TRPM4: variants seen among roughly 807,000 people sequenced by gnomAD.
The protein encoded by TRPM4 is calcium-activated non-selective cation channel 1.
A neutral mutation model predicts 135.6 loss-of-function variants in TRPM4; 124 were observed. That is an observed-to-expected ratio of 0.91 (90% CI 0.79 to 1.06). The LOEUF (loss-of-function observed/expected upper bound fraction) is 1.06. Ranked by LOEUF, TRPM4 falls within the 50% of genes least tolerant of loss-of-function variation. The pLI is 0.00. For missense variants in TRPM4, 1,658 were observed against 1,671.4 expected (o/e 0.99, Z 0.14); for synonymous variants, 745 against 705.6 (o/e 1.06, Z -0.88).
At chr19:49,161,941 T>C (rs1158887401) in intron 2 of TRPM4, among the ~76,000 whole-genome samples, 2 of 152,184 alleles carry the variant, frequency 1.3e-5, no homozygotes, top group Non-Finnish European at 2.9e-5. Context: ...TGGCTACTTC[T>C]TTCTGTTGAG....
chr19:49,202,946 G>A (rs1301837150), intron 20 of TRPM4, among the ~76,000 whole-genome samples: 1 of 136,146 alleles, frequency 7.3e-6, no homozygotes, highest in South Asian at 2.4e-4. Flanking sequence ...GCAGTGGCAC[G>A]ATCTCACAAT....
intron 3 of TRPM4, among the ~76,000 whole-genome samples, chr19:49,167,469 ATCTCTCTGGGTCTCTGTCCC>A (rs1967253738): frequency 1.0e-4 from 4 of 39,266 alleles, no homozygotes; most frequent in African/African-American, 4.5e-4. Flanking sequence ...CTCTGTCGCC[ATCTCTCTGGGTCTCTGTCCC>A]TCTCTCTCTG....
chr19:49,182,390 A>G, intron 10 of TRPM4, 188 bp from the exon 11 acceptor site: 1 of 634,816 alleles, frequency 1.6e-6, no homozygotes, highest in East Asian at 2.8e-5. Flanking sequence ...CCATCCATCC[A>G]TCTGCCCATC....
rs998568522 is a variant in TRPM4 at position 49,161,722 on chromosome 19, T to A, written c.92+3463T>A. ...TCGGCTCACTTCAACCTCTGCCTCCTGGGTTCAAGCGATTCTCCTGCCTCA... is the reference window on the plus strand; with the variant it reads ...TCGGCTCACTTCAACCTCTGCCTCCAGGGTTCAAGCGATTCTCCTGCCTCA... On this transcript the variant is annotated intron_variant, in intron 2 of 24. Coordinates refer to ENST00000252826, the MANE Select transcript of TRPM4 (RefSeq NM_017636.4). Among the ~76,000 whole-genome samples, 14 of 151,614 alleles carry A rather than the reference T, an allele frequency of 9.2e-5. 1 individual carries two copies. The East Asian group carries it at 2.7e-3, about 29-fold the overall frequency.
rs1468804565 is a variant in TRPM4 at position 49,200,738 on chromosome 19, G to A, written c.2906G>A (p.Arg969His). 7 of 1,613,990 alleles carry A rather than the reference G, an allele frequency of 4.3e-6. No individual in the cohort carries two copies. Among genetic ancestry groups the A allele is most frequent in the Non-Finnish European group, 8.5e-7 (1 of 1,180,032 alleles). The stretch of plus-strand genomic sequence containing the variant: ...AGTATCCTGCGCCGCGTCTTCTACC[G>A]TCCCTACCTGCAGATCTTCGGGCAG... ...FPSILRRVFY[R>H]PYLQIFGQIP... Residue 969 changes from arginine to histidine, a missense_variant, in exon 19 of 25, where the codon CGT becomes CAT. Physicochemically the swap from Arg to His is conservative, Grantham distance 29 (BLOSUM62 0). This residue lies in a region of TRPM4 where 1,412 missense variants were observed against 1,408.7 expected (regional missense o/e 1.00). Transcript: ENST00000252826.
intron 20 of TRPM4, among the ~76,000 whole-genome samples, chr19:49,208,787 A>G (rs1014650591): frequency 6.6e-6 from 1 of 151,962 alleles, no homozygotes; most frequent in African/African-American, 2.4e-5. Context: ...GTGAAACCCC[A>G]TCTTTACTAA....
In TRPM4 at chr19:49,161,590, CAA is replaced by C. The variant is rs367821930; in HGVS notation, c.92+3333_92+3334del. On this transcript the variant is annotated intron_variant, in intron 2 of 24. Coordinates refer to ENST00000252826, the MANE Select transcript of TRPM4 (RefSeq NM_017636.4). The stretch of plus-strand genomic sequence containing the variant: ...GAGCCTCCCACCTCACTCTGCCTGC[CAA>C]AGTGCTGGAATTACAGGCGAGAGCC... Among the ~76,000 whole-genome samples, 179 of 150,688 alleles carry C rather than the reference CAA, an allele frequency of 1.2e-3. 1 individual carries two copies. Among genetic ancestry groups the C allele is most frequent in the African/African-American group, 4.1e-3 (168 of 41,090 alleles).
At chr19:49,201,373 G>A (rs1411200840) in intron 19 of TRPM4, among the ~76,000 whole-genome samples, 2 of 152,190 alleles carry the variant, frequency 1.3e-5, no homozygotes, top group East Asian at 3.8e-4. Flanking sequence ...TTTAAATAAG[G>A]AAGAGGAACA....
In TRPM4 at chr19:49,166,160, C is replaced by A; in HGVS notation, c.212C>A (p.Pro71His). 6.2e-7 allele frequency: 1 copy of A among 1,609,010 alleles called. No individual in the cohort carries two copies. ...WDSDAHTTEK[P>H]TDAYGELDFT... ...AGCGATGCACACACCACGGAGAAGC[C>A]CACCGATGCCTACGGAGAGCTGGAC... is the stretch of plus-strand genomic sequence containing the variant. Residue 71 changes from proline (P) to histidine (H), a missense_variant, in exon 3 of 25, where the codon CCC (proline) becomes CAC (histidine). Coordinates refer to ENST00000252826, the MANE Select transcript of TRPM4 (RefSeq NM_017636.4).
At chr19:49,190,104 G>A in intron 14 of TRPM4, 104 bp from the exon 15 acceptor site, 1 of 930,304 alleles carries the variant, frequency 1.1e-6, no homozygotes, top group Non-Finnish European at 1.8e-6. Context: ...TGTGACATTG[G>A]GCACTTGCTC....
chr19:49,211,418 T>A lies in TRPM4; in HGVS notation c.3641-76T>A, dbSNP rs1218067048. The A allele has an allele frequency of 4.1e-5, 66 of 1,609,338 alleles. No homozygotes were observed. Among genetic ancestry groups the A allele is most frequent in the Non-Finnish European group, 5.2e-5 (61 of 1,177,202 alleles). The stretch of plus-strand genomic sequence containing the variant: ...ACTCTCGCCTTCGTCTTTCTTCTTT[T>A]TTGCCAGTCTCCCAGTTTTTCTGTC... On this transcript the variant is annotated intron_variant, in intron 24 of 24. Transcript: ENST00000252826. This position sits in a 1 kb window ranked among gnomAD's most constrained non-coding sequence, Gnocchi z 4.8.
At chr19:49,203,231 G>A (rs1016712782) in intron 20 of TRPM4, among the ~76,000 whole-genome samples, 12 of 151,524 alleles carry the variant, frequency 7.9e-5, no homozygotes, top group East Asian at 5.9e-4. Flanking sequence ...CCAGGCTGGA[G>A]TGCAATGGTG....
chr19:49,192,514 T>A (rs73574501), intron 16 of TRPM4, among the ~76,000 whole-genome samples: 2 of 152,064 alleles, frequency 1.3e-5, no homozygotes, highest in East Asian at 3.9e-4. Context: ...AAGAACGAGA[T>A]CATTTCCTTT....
chr19:49,209,011 CTG>C (rs1033813109), intron 20 of TRPM4, among the ~76,000 whole-genome samples: 1 of 150,554 alleles, frequency 6.6e-6, no homozygotes, highest in African/African-American at 2.4e-5. Context: ...AATGCCTTTT[CTG>C]TGTTGGTTGA....
chr19:49,206,191 G>A (rs1376103309), intron 20 of TRPM4, among the ~76,000 whole-genome samples: 1 of 151,892 alleles, frequency 6.6e-6, no homozygotes, highest in Non-Finnish European at 1.5e-5. Context: ...TTGAACTCCT[G>A]ACCTCAGGTG....
In TRPM4 at chr19:49,211,200, G is replaced by A; in HGVS notation, c.3571G>A (p.Glu1191Lys). 1 of 1,601,858 alleles carries A rather than the reference G, an allele frequency of 6.2e-7. No individual in the cohort carries two copies. Reference sequence around the variant, plus strand: ...TAGCCGCGTCCTGGGGTGGGTGGCCGAGGCCCTGAGCCGCTCTGCCTTGCT... The same window carrying A: ...TAGCCGCGTCCTGGGGTGGGTGGCCAAGGCCCTGAGCCGCTCTGCCTTGCT... ...QCSRVLGWVA[E>K]ALSRSALLPP... Residue 1191 changes from glutamate to lysine, a missense_variant, in exon 24 of 25, where the codon GAG becomes AAG. Physicochemically the swap from Glu to Lys is moderately conservative, Grantham distance 56. This residue lies in a region of TRPM4 where 1,412 missense variants were observed against 1,408.7 expected (regional missense o/e 1.00). Coordinates refer to ENST00000252826, the MANE Select transcript of TRPM4 (RefSeq NM_017636.4). The surrounding 1 kb of genome is among the most constrained non-coding windows in gnomAD (Gnocchi z 4.8).
Position 49,196,980 on chromosome 19 carries a change from C to A in TRPM4, c.2645+106C>A. On this transcript the variant is annotated intron_variant, in intron 17 of 24. Transcript: ENST00000252826. ...GCTTCCCCGCAGCTGGGCAGCAGGT[C>A]AAGCCAACCCTGCTGATTGAGAACC... is the stretch of plus-strand genomic sequence containing the variant. 9.0e-7 allele frequency: 1 copy of A among 1,111,848 alleles called. No individual in the cohort carries two copies. Among genetic ancestry groups the A allele is most frequent in the Non-Finnish European group, 1.3e-6 (1 of 795,958 alleles). The allele number at this position is 1,111,848 out of a possible 1,614,324, so 68.9% of individuals were successfully genotyped here.
chr19:49,172,278 A>G (rs1204078246), intron 9 of TRPM4, among the ~76,000 whole-genome samples, 170 bp downstream of exon 9: 1 of 152,156 alleles, frequency 6.6e-6, no homozygotes, highest in East Asian at 1.9e-4. Context: ...CAGTTTTCCC[A>G]GATGCTTTCA....
chr19:49,210,061 C>A lies in TRPM4; in HGVS notation c.3132-148C>A. 1 of 933,492 alleles carries A rather than the reference C, an allele frequency of 1.1e-6. No individual in the cohort carries two copies. The highest frequency in any genetic ancestry group is 1.6e-5 in the African/African-American group (1 of 61,726). 57.8% of individuals were successfully genotyped at this position (933,492 alleles called of 1,614,324 possible). On this transcript the variant is annotated intron_variant, in intron 20 of 24. Coordinates refer to ENST00000252826, the MANE Select transcript of TRPM4 (RefSeq NM_017636.4). The surrounding 1 kb of genome is among the most constrained non-coding windows in gnomAD (Gnocchi z 4.1). ...AACGCCCTTGGCTCTAACCTGACTT[C>A]TAATCGCATCCTGTAACCTCTGACT...
Sources: allele counts gnomAD v4.1 joint callset (sites outside exome capture counted in the v4.1 genomes callset), GRCh38; gene constraint gnomAD v4.1.1; regional missense constraint gnomAD v4.1.1; non-coding constraint Gnocchi (gnomAD v3.1); transcripts MANE v1.5; gene names NCBI Gene and HGNC (gene_info 2026-07-23, HGNC 2026-07-21).